The following KIF1B variants were observed in gnomAD, a reference collection of about 807,000 sequenced individuals.
KIF1B encodes kinesin-like protein KIF1B.
A neutral mutation model predicts 241.9 loss-of-function variants in KIF1B; 76 were observed. The observed-to-expected ratio is 0.31, with a 90% CI of 0.26 to 0.38. KIF1B has a LOEUF of 0.38. Among genes scored for constraint, KIF1B ranks in the 10% least tolerant of loss-of-function variants. The probability of loss-of-function intolerance (pLI) is 1.00; values close to 1 mark genes in which losing one functional copy is unlikely to be tolerated. For synonymous variants in KIF1B, 750 were observed against 796.7 expected, an observed-to-expected ratio of 0.94 and a Z score of 0.99; for missense variants, 1,622 against 2,271.4, an observed-to-expected ratio of 0.71 and a Z score of 5.81.
chr1:10,248,605 G>T (rs1198995763), intron 2 of KIF1B, among the ~76,000 whole-genome samples: 1 of 152,158 alleles, frequency 6.6e-6, no homozygotes, highest in Non-Finnish European at 1.5e-5. Flanking sequence ...TCGTTCTCAT[G>T]GGAGTCTTTA....
At chr1:10,231,370 T>C (rs1450452433) in intron 1 of KIF1B, among the ~76,000 whole-genome samples, 1 of 148,864 alleles carries the variant, frequency 6.7e-6, no homozygotes, top group Non-Finnish European at 1.5e-5. Context: ...TATGGAGAGT[T>C]CAGTGCCCTT....
In KIF1B at chr1:10,317,866, A is replaced by G. The variant is rs1262492874; in HGVS notation, c.2116-2177A>G. Among the ~76,000 whole-genome samples the G allele has an allele frequency of 4.0e-5, 6 of 151,060 alleles. No homozygotes were observed. In the East Asian group the frequency reaches 5.8e-4, roughly 15 times the overall value. On this transcript the variant is annotated intron_variant, in intron 22 of 48. Coordinates refer to ENST00000676179, the MANE Select transcript of KIF1B (RefSeq NM_001365951.3). ...AAATTGCCTGACATTTTGATATTGT[A>G]TTACCATGTAAGAGGGCTTTCACGT...
At chr1:10,282,756 A>G (rs1187760065) in intron 15 of KIF1B, among the ~76,000 whole-genome samples, 2 of 151,502 alleles carry the variant, frequency 1.3e-5, no homozygotes, top group Non-Finnish European at 2.9e-5. Context: ...TGGGCAGTTC[A>G]TAGGCTGGCA....
intron 7 of KIF1B, among the ~76,000 whole-genome samples, chr1:10,270,450 T>C (rs1648727499): frequency 6.6e-6 from 1 of 152,244 alleles, no homozygotes; most frequent in Non-Finnish European, 1.5e-5. Context: ...TATTGCGTTA[T>C]ACAGATACAC....
intron 44 of KIF1B, among the ~76,000 whole-genome samples, chr1:10,369,749 A>T (rs551807256): frequency 3.9e-5 from 6 of 152,082 alleles, no homozygotes; most frequent in Admixed American, 3.3e-4. Flanking sequence ...CCTGACCAAC[A>T]TGGAGAAACC....
intron 27 of KIF1B, among the ~76,000 whole-genome samples, chr1:10,334,265 C>T (rs1652077959): frequency 6.6e-6 from 1 of 152,024 alleles, no homozygotes; most frequent in African/African-American, 2.4e-5. Flanking sequence ...ACTCTTCTCC[C>T]TACAGTAGTT....
chr1:10,247,156 C>T (rs569413030), intron 2 of KIF1B, among the ~76,000 whole-genome samples: 3 of 151,394 alleles, frequency 2.0e-5, no homozygotes, highest in South Asian at 4.1e-4. Flanking sequence ...TGAACCACTG[C>T]GACCAGTCCT....
intron 2 of KIF1B, among the ~76,000 whole-genome samples, chr1:10,239,244 C>T (rs1405861279): frequency 6.6e-6 from 1 of 152,168 alleles, no homozygotes; most frequent in Non-Finnish European, 1.5e-5. Context: ...AAAATTATTT[C>T]CAATGTCACC....
intron 22 of KIF1B, among the ~76,000 whole-genome samples, chr1:10,317,676 A>T (rs1248322909): frequency 1.3e-5 from 2 of 151,218 alleles, no homozygotes; most frequent in African/African-American, 2.5e-5. Context: ...CTAAAAATAC[A>T]AAAAATTAGC....
chr1:10,341,578 A>G (rs1402914358), intron 32 of KIF1B, among the ~76,000 whole-genome samples: 1 of 152,262 alleles, frequency 6.6e-6, no homozygotes, highest in Non-Finnish European at 1.5e-5. Context: ...GAAGCTGGGA[A>G]AAGTTACTTT....
chr1:10,305,753 CT>C, intron 22 of KIF1B: 1 of 1,056,208 alleles, frequency 9.5e-7, no homozygotes, highest in Non-Finnish European at 1.1e-6. Context: ...TGGTTGTGGT[CT>C]CAGTTTGCCT....
intron 5 of KIF1B, 55 bp from the exon 6 acceptor site, chr1:10,267,325 G>A (rs977323091): frequency 5.8e-6 from 9 of 1,552,610 alleles, no homozygotes; most frequent in Non-Finnish European, 8.0e-6. Flanking sequence ...ACCGCGCCCG[G>A]CTTCTGTATG....
intron 44 of KIF1B, among the ~76,000 whole-genome samples, chr1:10,370,671 G>A (rs764444198): frequency 7.9e-6 from 1 of 126,234 alleles, no homozygotes; most frequent in South Asian, 2.5e-4. Flanking sequence ...TAATAATAAT[G>A]ACAACAATAA....
intron 5 of KIF1B, among the ~76,000 whole-genome samples, chr1:10,264,412 A>C (rs1265733994): frequency 1.3e-5 from 2 of 152,212 alleles, no homozygotes; most frequent in Non-Finnish European, 2.9e-5. Context: ...CACATATCAG[A>C]GCATAAGGAA....
At chr1:10,307,529 C>T (rs755626444) in intron 22 of KIF1B, 6 of 586,004 alleles carry the variant, frequency 1.0e-5, no homozygotes, top group South Asian at 1.5e-4. Flanking sequence ...AGGCTGGTCT[C>T]GAATTCCTAA....
At chr1:10,360,191 G>A (rs1485508090) in intron 38 of KIF1B, among the ~76,000 whole-genome samples, 5 of 152,134 alleles carry the variant, frequency 3.3e-5, no homozygotes, top group Non-Finnish European at 7.3e-5. Flanking sequence ...GCCCTCTTGT[G>A]ATGTGAAGAT....
intron 2 of KIF1B, among the ~76,000 whole-genome samples, chr1:10,254,590 T>C (rs1647649878): frequency 6.6e-6 from 1 of 152,104 alleles, no homozygotes; most frequent in Non-Finnish European, 1.5e-5. Flanking sequence ...AAAAAGAGCT[T>C]TCATGGCCAG....
intron 22 of KIF1B, among the ~76,000 whole-genome samples, chr1:10,301,913 A>T (rs1650562362): frequency 6.6e-6 from 1 of 152,330 alleles, no homozygotes; most frequent in South Asian, 2.1e-4. Flanking sequence ...TTGTGAAGTC[A>T]GGCTGCTGTT....
chr1:10,360,903 A>T, intron 38 of KIF1B, 26 bp from the exon 39 acceptor site: 1 of 1,506,276 alleles, frequency 6.6e-7, no homozygotes, highest in Non-Finnish European at 9.2e-7. Flanking sequence ...CTTTTGGATG[A>T]TTCCCTCTTG....
Sources: allele counts gnomAD v4.1 joint callset (sites outside exome capture counted in the v4.1 genomes callset), GRCh38; gene constraint gnomAD v4.1.1; transcripts MANE v1.5; gene names NCBI Gene and HGNC (gene_info 2026-07-23, HGNC 2026-07-21).